The following SHANK2 variants were observed in gnomAD, a reference collection of about 807,000 sequenced individuals.
The protein encoded by SHANK2 is SH3 and multiple ankyrin repeat domains 2.
Under a neutral mutation model 133.7 loss-of-function variants are expected in SHANK2, and 43 were observed. That is an observed-to-expected ratio of 0.32 (90% confidence interval 0.25 to 0.41). The LOEUF is 0.41. Among genes scored for constraint, SHANK2 ranks in the 10% least tolerant of loss-of-function variants. The pLI is 1.00. For synonymous variants in SHANK2, 1,017 were observed against 952.8 expected, an observed-to-expected ratio of 1.07 and a Z score of -1.24; for missense variants, 1,994 against 2,235.8, an observed-to-expected ratio of 0.89 and a Z score of 2.18.
intron 17 of SHANK2, among the ~76,000 whole-genome samples, chr11:70,541,582 G>A (rs1477065029): frequency 6.6e-6 from 1 of 152,252 alleles, no homozygotes; most frequent in Non-Finnish European, 1.5e-5. Context: ...GGCACTGACA[G>A]ATGTGGGGCG....
chr11:70,664,183 C>T (rs971506204), intron 15 of SHANK2, among the ~76,000 whole-genome samples: 1 of 152,180 alleles, frequency 6.6e-6, no homozygotes, highest in African/African-American at 2.4e-5. Flanking sequence ...CTCGACCTGT[C>T]TCCACGGCCC....
intron 2 of SHANK2, among the ~76,000 whole-genome samples, chr11:71,199,362 C>T (rs1426591632): frequency 1.3e-5 from 2 of 152,246 alleles, no homozygotes; most frequent in Non-Finnish European, 2.9e-5. Flanking sequence ...TACCTGTAGG[C>T]AGCCAGGGTT....
chr11:71,192,936 C>A (rs1445431831), intron 2 of SHANK2, among the ~76,000 whole-genome samples: 1 of 152,104 alleles, frequency 6.6e-6, no homozygotes, highest in African/African-American at 2.4e-5. Context: ...AATGGGGGAA[C>A]CTTCCTTGTC....
At chr11:70,906,057 C>A (rs1370342310) in intron 10 of SHANK2, among the ~76,000 whole-genome samples, 2 of 152,148 alleles carry the variant, frequency 1.3e-5, no homozygotes, top group Non-Finnish European at 2.9e-5. Flanking sequence ...AAGTGATCTG[C>A]CGGCCTAGGC....
Position 70,486,215 on chromosome 11 carries a change from G to C in SHANK2, c.4078C>G (p.Gln1360Glu). The change falls in exon 25 of 26, where the codon CAG becomes GAG. Residue 1360 changes from glutamine to glutamate, a missense_variant. Physicochemically the swap from Gln to Glu is conservative, Grantham distance 29. Coordinates refer to ENST00000601538, the MANE Select transcript of SHANK2 (RefSeq NM_012309.5). This position sits in a 1 kb window ranked among gnomAD's most constrained non-coding sequence, Gnocchi z 8.0. ...GTGGGCTCGGGGGCAGCGGAGATCT[G>C]TAAAGCACCTTCGGTTTCGGAAACA... ...EGVSETEGAL[Q>E]ISAAPEPTTV... 6.2e-7 allele frequency: 1 copy of C among 1,614,040 alleles called. No individual in the cohort carries two copies. Among genetic ancestry groups the C allele is most frequent in the Non-Finnish European group, 8.5e-7 (1 of 1,180,016 alleles).
chr11:70,556,421 C>A (rs1554979604), intron 17 of SHANK2, among the ~76,000 whole-genome samples: 1 of 147,406 alleles, frequency 6.8e-6, no homozygotes, highest in African/African-American at 2.5e-5. Flanking sequence ...CTCTCTCTCT[C>A]TAGCTTTCCT....
chr11:70,537,334 A>G (rs921902706), intron 17 of SHANK2, among the ~76,000 whole-genome samples: 2 of 152,226 alleles, frequency 1.3e-5, no homozygotes, highest in African/African-American at 4.8e-5. Flanking sequence ...ATTTGGAAAA[A>G]GTCTTTGCAA....
In SHANK2 at chr11:70,558,050, A is replaced by C. The variant is rs927315934; in HGVS notation, c.2062-55119T>G. On this transcript the variant is annotated intron_variant, in intron 17 of 25. Coordinates refer to ENST00000601538, the MANE Select transcript of SHANK2 (RefSeq NM_012309.5). The stretch of plus-strand genomic sequence containing the variant: ...GAAATGCCAGGGGAGAAGGGAGAGG[A>C]GGCGAGACCGTGAGGGGGCCCGGGG... Among the ~76,000 whole-genome samples, 31 of 152,158 alleles carry C rather than the reference A, an allele frequency of 2.0e-4. 1 individual carries two copies. The highest frequency in any genetic ancestry group is 6.5e-5 in the Admixed American group (1 of 15,280).
At chr11:71,079,883 A>AGGGGAAGGAAGGGGG (rs1951273070) in intron 8 of SHANK2, among the ~76,000 whole-genome samples, 1 of 47,086 alleles carries the variant, frequency 2.1e-5, no homozygotes, top group African/African-American at 8.8e-5. Flanking sequence ...AAGGGAGGGG[A>AGGGGAAGGAAGGGGG]GGGGAGGGGA....
At chr11:70,790,694 A>G (rs1433242046) in intron 14 of SHANK2, among the ~76,000 whole-genome samples, 1 of 152,158 alleles carries the variant, frequency 6.6e-6, no homozygotes, top group Admixed American at 6.5e-5. Context: ...CATACGCTCT[A>G]TCTGTATCTA....
chr11:70,668,030 C>T (rs1006888735), intron 15 of SHANK2: 6 of 152,126 alleles, frequency 3.9e-5, no homozygotes, highest in Admixed American at 1.3e-4. Flanking sequence ...ATCCTGAATA[C>T]CCACTGAGAG....
intron 15 of SHANK2, among the ~76,000 whole-genome samples, chr11:70,697,473 G>T (rs1945421645): frequency 6.6e-6 from 1 of 152,164 alleles, no homozygotes; most frequent in East Asian, 1.9e-4. Context: ...AGGTGGGTGG[G>T]TGCGAGGGGC....
At chr11:71,148,124 G>A (rs1296349784) in intron 2 of SHANK2, among the ~76,000 whole-genome samples, 3 of 145,880 alleles carry the variant, frequency 2.1e-5, no homozygotes, top group Admixed American at 7.0e-5. Flanking sequence ...CACTCTTGTC[G>A]CCCAGGCTGG....
chr11:70,803,482 A>G lies in SHANK2; in HGVS notation c.1663+3520T>C, dbSNP rs573534102. ...AAGAAGAAGACAAAGTCCTGCCTGC[A>G]GAGGGTCTACAATCCGTCACAGTCA... is the stretch of plus-strand genomic sequence containing the variant. On this transcript the variant is annotated intron_variant, in intron 13 of 25. Transcript: ENST00000601538. Among the ~76,000 whole-genome samples, 8 of 125,252 alleles carry G rather than the reference A, an allele frequency of 6.4e-5. No individual in the cohort carries two copies. The East Asian group carries it at 1.7e-3, about 27-fold the overall frequency. 82.2% of individuals were successfully genotyped at this position (125,252 alleles called of 152,430 possible).
At chr11:70,546,192 G>A (rs1400308359) in intron 17 of SHANK2, among the ~76,000 whole-genome samples, 1 of 150,216 alleles carries the variant, frequency 6.7e-6, no homozygotes, top group Non-Finnish European at 1.5e-5. Context: ...GCCCGCCTCG[G>A]CCTCCCAAAG....
intron 17 of SHANK2, among the ~76,000 whole-genome samples, chr11:70,532,479 T>C (rs1554973416): frequency 6.6e-6 from 1 of 152,082 alleles, no homozygotes; most frequent in African/African-American, 2.4e-5. Flanking sequence ...ATGGGCAGAA[T>C]TGTGGGTCTG....
chr11:70,809,440 G>C (rs3019830), intron 12 of SHANK2, among the ~76,000 whole-genome samples: 31,023 of 152,118 alleles, frequency 0.2, 4,723 homozygotes, highest in African/African-American at 0.43. Flanking sequence ...GCCTCCCCCT[G>C]ATCACCTGCC....
chr11:70,892,353 T>TGGG lies in SHANK2; in HGVS notation c.1174+4147_1174+4148insCCC, dbSNP rs1319003427. Reference sequence around the variant, plus strand: ...CAGAGAGGAGATACCCCTCTAACTATGGTGGGGGGGACTGCCCTGTTGGTG... The same window carrying TGGG: ...CAGAGAGGAGATACCCCTCTAACTATGGGGGTGGGGGGGACTGCCCTGTTGGTG... On this transcript the variant is annotated intron_variant, in intron 11 of 25. Transcript: ENST00000601538. 3.2e-3 allele frequency among the ~76,000 whole-genome samples: 475 copies of TGGG among 147,728 alleles called. 2 individuals are homozygous for TGGG. The highest frequency in any genetic ancestry group is 0.012 in the African/African-American group (447 of 37,506).
intron 6 of SHANK2, among the ~76,000 whole-genome samples, chr11:71,097,282 T>C (rs139300433): frequency 6.6e-6 from 1 of 152,218 alleles, no homozygotes; most frequent in East Asian, 1.9e-4. Context: ...TTGGGGCTGA[T>C]GGAATCACCC....
Sources: gnomAD v4.1 joint callset for allele counts (sites outside exome capture counted in the v4.1 genomes callset) on GRCh38, gnomAD v4.1.1 for gene constraint, Gnocchi (gnomAD v3.1) non-coding constraint, MANE v1.5 for transcripts, NCBI Gene and HGNC (gene_info 2026-07-23, HGNC 2026-07-21) for gene names.